The following TET2 variants were observed in gnomAD, a reference collection of about 807,000 sequenced individuals.
The protein encoded by TET2 is methylcytosine dioxygenase TET2.
A neutral mutation model predicts 142.9 loss-of-function variants in TET2; 299 were observed. That is an observed-to-expected ratio of 2.09 (90% confidence interval 1.90 to 2.30). TET2 has a LOEUF of 2.30. TET2 is among the 30% of genes most tolerant of loss of function. The pLI, the probability that TET2 is intolerant of heterozygous loss-of-function variation, is 0.00. For synonymous variants in TET2, 819 were observed against 849.0 expected (o/e 0.96, Z 0.61); for missense variants, 2,418 against 2,378.0 (o/e 1.02, Z -0.35).
At chr4:105,226,584 C>T (rs2110606858) in intron 2 of TET2, among the ~76,000 whole-genome samples, 2 of 151,134 alleles carry the variant, frequency 1.3e-5, no homozygotes, top group Middle Eastern at 6.8e-3. Flanking sequence ...GTGGCACGTC[C>T]CCCTCCCTGT....
In TET2 at chr4:105,257,111, C is replaced by T. The variant is rs539189396; in HGVS notation, c.3804-2508C>T. On this transcript the variant is annotated intron_variant, in intron 6 of 10. Coordinates refer to ENST00000380013, the MANE Select transcript of TET2 (RefSeq NM_001127208.3). Reference sequence around the variant, plus strand: ...ACTTTATAGGGGCCATACTTTGTTTCTGTTTCTCTTAATTGTTTAGACATT... The same window carrying T: ...ACTTTATAGGGGCCATACTTTGTTTTTGTTTCTCTTAATTGTTTAGACATT... 5.0e-4 allele frequency among the ~76,000 whole-genome samples: 76 copies of T among 152,134 alleles called. No individual in the cohort carries two copies. In the Middle Eastern group the frequency reaches 0.014, roughly 27 times the overall value.
chr4:105,156,573 T>C (rs1407997326), intron 1 of TET2, among the ~76,000 whole-genome samples: 1 of 152,202 alleles, frequency 6.6e-6, no homozygotes, highest in Non-Finnish European at 1.5e-5. Context: ...GTCCAGGTTA[T>C]ACATTAATGA....
chr4:105,269,108 A>G (rs1730826378), intron 8 of TET2, among the ~76,000 whole-genome samples: 1 of 152,258 alleles, frequency 6.6e-6, no homozygotes, highest in South Asian at 2.1e-4. Context: ...TTTAACAAAG[A>G]TGATTCAATT....
chr4:105,260,011 G>A (rs1392805847), intron 7 of TET2, among the ~76,000 whole-genome samples: 1 of 152,026 alleles, frequency 6.6e-6, no homozygotes, highest in Non-Finnish European at 1.5e-5. Context: ...TTTTAAAGGG[G>A]TGTCACTTCA....
intron 1 of TET2, among the ~76,000 whole-genome samples, chr4:105,189,466 T>C (rs1447082551): frequency 3.3e-5 from 5 of 152,176 alleles, no homozygotes; most frequent in African/African-American, 1.2e-4. Context: ...CTTGTGCTCC[T>C]TTGTAGACAC....
Position 105,234,821 on chromosome 4 carries a change from T to C in TET2, c.879T>C (p.Ser293=), listed in dbSNP as rs1422603971. 17 of 1,613,912 alleles carry C rather than the reference T, an allele frequency of 1.1e-5. No homozygotes were observed. The highest frequency in any genetic ancestry group is 1.4e-5 in the Non-Finnish European group (17 of 1,179,964). ...CTCCAAAGCCAGCTGCAGTGGTGAGTGAGGCCTGTGATGCTGATGATGCTG... is the reference window on the plus strand; with the variant it reads ...CTCCAAAGCCAGCTGCAGTGGTGAGCGAGGCCTGTGATGCTGATGATGCTG... ...ELPPKPAAVV[S]EACDADDADN... Residue 293 remains serine, a synonymous_variant, in exon 3 of 11, where the codon AGT becomes AGC. Transcript: ENST00000380013.
intron 2 of TET2, among the ~76,000 whole-genome samples, chr4:105,225,745 A>G (rs113512190): frequency 3.3e-5 from 5 of 152,214 alleles, no homozygotes; most frequent in African/African-American, 1.2e-4. Flanking sequence ...TGAGGATTCA[A>G]CTCAGTGCAG....
chr4:105,158,816 A>G (rs1013725402), intron 1 of TET2, among the ~76,000 whole-genome samples: 2 of 151,852 alleles, frequency 1.3e-5, no homozygotes, highest in African/African-American at 4.8e-5. Context: ...TTTTGGAAAA[A>G]AAAAAAGAAA....
intron 2 of TET2, among the ~76,000 whole-genome samples, chr4:105,222,396 T>A: frequency 6.6e-6 from 1 of 152,256 alleles, no homozygotes; most frequent in Non-Finnish European, 1.5e-5. Context: ...CACTTTTTAA[T>A]GATCGCCATT....
intron 1 of TET2, among the ~76,000 whole-genome samples, chr4:105,186,444 G>A (rs567839136): frequency 8.0e-5 from 12 of 149,656 alleles, no homozygotes; most frequent in African/African-American, 3.0e-4. Flanking sequence ...GGAAAACTCA[G>A]TGTATAAGCT....
intron 3 of TET2, chr4:105,239,433 G>A (rs1729170360): frequency 4.2e-6 from 1 of 240,358 alleles, no homozygotes; most frequent in Non-Finnish European, 8.8e-6. Context: ...ATAACTTGCT[G>A]CAGCTTCTAC....
intron 1 of TET2, among the ~76,000 whole-genome samples, chr4:105,152,598 CTTTTTTT>C (rs869064512): frequency 8.5e-5 from 2 of 23,536 alleles, no homozygotes; most frequent in Non-Finnish European, 1.8e-4. Flanking sequence ...TTCTTTCTTT[CTTTTTTT>C]TTTTTTTTTT....
Position 105,275,524 on chromosome 4 carries a change from C to T in TET2, c.5014C>T (p.Leu1672=). The T allele has an allele frequency of 2.6e-6, 4 of 1,551,692 alleles. No individual in the cohort carries two copies. The highest frequency in any genetic ancestry group is 3.5e-6 in the Non-Finnish European group (4 of 1,146,978). Residue 1672 remains leucine (L), a synonymous_variant, in exon 11 of 11, where the codon CTA becomes TTA. Transcript: ENST00000380013. ...CCAAGACCCTCTGTCTAAGCTCAGT[C>T]TACCACCCATCCATACACTTTACCA... The part of the protein sequence containing the change: ...PSQDPLSKLS[L]PPIHTLYQPR...
rs372281360 is a variant in TET2, at chr4:105,259,640, G to T, written c.3825G>T (p.Gly1275=). 1.4e-5 allele frequency: 22 copies of T among 1,550,738 alleles called. No homozygotes were observed. The highest frequency in any genetic ancestry group is 1.9e-5 in the Non-Finnish European group (22 of 1,146,380). Residue 1275 remains glycine (G), a synonymous_variant, in exon 7 of 11, where the codon GGG becomes GGT. Coordinates refer to ENST00000380013, the MANE Select transcript of TET2 (RefSeq NM_001127208.3). ...TCAGGAGAACTTGCGCCTGTCAGGG[G>T]CTGGATCCAGAAACCTGTGGTGCCT... The part of the protein sequence containing the change: ...LNEERTCACQ[G]LDPETCGASF...
chr4:105,210,350 A>G (rs1484559648), intron 2 of TET2, among the ~76,000 whole-genome samples: 1 of 152,128 alleles, frequency 6.6e-6, no homozygotes, highest in Non-Finnish European at 1.5e-5. Flanking sequence ...TTCTCTTTAC[A>G]ATGTCAAAAT....
At chr4:105,264,084 G>C (rs1412686179) in intron 8 of TET2, among the ~76,000 whole-genome samples, 2 of 48,782 alleles carry the variant, frequency 4.1e-5, no homozygotes, top group African/African-American at 3.9e-4. Context: ...TTCCACTGTG[G>C]ACTTTAACGT....
In TET2 at chr4:105,234,956, TA is replaced by T; in HGVS notation, c.1016del (p.Asn339ThrfsTer8). On this transcript the variant is annotated frameshift_variant, in exon 3 of 11. Coordinates refer to ENST00000380013, the MANE Select transcript of TET2 (RefSeq NM_001127208.3). LOFTEE classifies it high-confidence loss of function. Reference protein sequence around the residue: ...FEICPSPAENNIQGTTKLASG... With the variant: ...FEICPSPAENXIQGTTKLASG... ...AGATATGCCCATCTCCTGCAGAAAA[TA>T]ACATCCAGGGAACCACAAAGCTAGC... The T allele has an allele frequency of 6.2e-7, 1 of 1,613,830 alleles. No individual in the cohort carries two copies. The highest frequency in any genetic ancestry group is 8.5e-7 in the Non-Finnish European group (1 of 1,179,946).
rs368644313 is a variant in TET2, at chr4:105,239,067, G to GTTTTTTTT, written c.3409+1722_3409+1723insTTTTTTTT. On this transcript the variant is annotated intron_variant, in intron 3 of 10. Transcript: ENST00000380013. ...TATTTTGAAAGGAGGTTTTGGTTTT[G>GTTTTTTTT]TTTTTTGTTTTTTTTTTTTGTTTTT... 698 of 92,570 alleles carry GTTTTTTTT rather than the reference G, an allele frequency of 7.5e-3. 2 individuals carry two copies. The highest frequency in any genetic ancestry group is 0.015 in the Admixed American group (109 of 7,090). 5.7% of individuals were successfully genotyped at this position (92,570 alleles called of 1,614,324 possible).
intron 3 of TET2, 78 bp downstream of exon 3, chr4:105,237,429 T>G (rs896073826): frequency 6.2e-7 from 1 of 1,613,734 alleles, no homozygotes; most frequent in African/African-American, 1.3e-5. Context: ...GGGATTTTCC[T>G]TCTTTTTTTA....
Sources: allele counts gnomAD v4.1 joint callset (sites outside exome capture counted in the v4.1 genomes callset), GRCh38; gene constraint gnomAD v4.1.1; transcripts MANE v1.5; gene names NCBI Gene and HGNC (gene_info 2026-07-23, HGNC 2026-07-21).